Variants in SGCZ observed in about 807,000 individuals in gnomAD.
SGCZ encodes zeta-sarcoglycan.
A neutral mutation model predicts 41.3 loss-of-function variants in SGCZ; 40 were observed. The ratio of observed to expected loss-of-function variants is 0.97; its 90% confidence interval spans 0.75 to 1.26. SGCZ has a LOEUF of 1.26. Ranked by LOEUF, SGCZ falls within the 50% of genes most tolerant of loss-of-function variation. SGCZ has a pLI of 0.00. For missense variants in SGCZ, 552 were observed against 369.8 expected (o/e 1.49, Z -4.04); for synonymous variants, 206 against 137.5 (o/e 1.50, Z -3.49).
intron 5 of SGCZ, among the ~76,000 whole-genome samples, chr8:14,149,562 G>A (rs141813471): frequency 4.6e-5 from 7 of 151,484 alleles, no homozygotes; most frequent in East Asian, 3.9e-4. Context: ...TATATGGATC[G>A]GAAGAATCAA....
chr8:14,335,808 T>C (rs1276564524), intron 2 of SGCZ, among the ~76,000 whole-genome samples: 1 of 152,130 alleles, frequency 6.6e-6, no homozygotes, highest in African/African-American at 2.4e-5. Flanking sequence ...TCTCTATTTG[T>C]TTGTGTGTCA....
intron 1 of SGCZ, among the ~76,000 whole-genome samples, chr8:14,873,534 C>T (rs1478536342): frequency 2.0e-5 from 3 of 152,026 alleles, no homozygotes; most frequent in Non-Finnish European, 4.4e-5. Context: ...AGATGTCAAT[C>T]ACTTGAGATC....
chr8:15,050,771 G>A (rs189007213), intron 1 of SGCZ, among the ~76,000 whole-genome samples: 39 of 152,234 alleles, frequency 2.6e-4, no homozygotes, highest in African/African-American at 9.4e-4. Flanking sequence ...ATAATACAAA[G>A]AAGTTAGGCT....
intron 1 of SGCZ, among the ~76,000 whole-genome samples, chr8:14,781,356 G>T (rs969879505): frequency 2.0e-5 from 3 of 152,144 alleles, no homozygotes; most frequent in African/African-American, 7.2e-5. Context: ...TGCCTCCGGA[G>T]GAGCTGGAGT....
chr8:14,637,214 G>C (rs1806860205), intron 1 of SGCZ, among the ~76,000 whole-genome samples: 1 of 151,690 alleles, frequency 6.6e-6, no homozygotes, highest in Non-Finnish European at 1.5e-5. Context: ...GATTTATTCA[G>C]TCTGTTTTCT....
chr8:14,874,688 T>G (rs1804282279), intron 1 of SGCZ, among the ~76,000 whole-genome samples: 1 of 152,090 alleles, frequency 6.6e-6, no homozygotes, highest in Non-Finnish European at 1.5e-5. Context: ...TCAAGTGATG[T>G]GCTATCTTCA....
At chr8:14,135,544 G>A (rs1214744847) in intron 5 of SGCZ, among the ~76,000 whole-genome samples, 1 of 151,940 alleles carries the variant, frequency 6.6e-6, no homozygotes, top group Non-Finnish European at 1.5e-5. Flanking sequence ...AAAGACTGAA[G>A]AAAATGTAGA....
At chr8:14,242,072 A>C (rs1057320895) in intron 3 of SGCZ, among the ~76,000 whole-genome samples, 1 of 152,190 alleles carries the variant, frequency 6.6e-6, no homozygotes, top group Non-Finnish European at 1.5e-5. Flanking sequence ...TGGTAGCCAG[A>C]CAGACAATAA....
At chr8:15,051,165 C>T (rs984051007) in intron 1 of SGCZ, among the ~76,000 whole-genome samples, 1 of 152,076 alleles carries the variant, frequency 6.6e-6, no homozygotes. Context: ...TCTTCAGATG[C>T]ATCCAAATGA....
chr8:14,501,735 C>T (rs1202377863), intron 2 of SGCZ, among the ~76,000 whole-genome samples: 1 of 151,226 alleles, frequency 6.6e-6, no homozygotes, highest in Non-Finnish European at 1.5e-5. Flanking sequence ...CCTGGCTTGG[C>T]TAATTTGGTT....
At chr8:14,739,830 C>A (rs949429140) in intron 1 of SGCZ, among the ~76,000 whole-genome samples, 1 of 152,048 alleles carries the variant, frequency 6.6e-6, no homozygotes, top group African/African-American at 2.4e-5. Context: ...GCTAGGTCAA[C>A]AGGGGCTTCC....
chr8:14,925,354 T>C (rs1170304707), intron 1 of SGCZ, among the ~76,000 whole-genome samples: 2 of 152,220 alleles, frequency 1.3e-5, no homozygotes, highest in Non-Finnish European at 2.9e-5. Flanking sequence ...TAATATTTTA[T>C]TGCATTGTAC....
At chr8:14,346,875 CT>C (rs919909559) in intron 2 of SGCZ, among the ~76,000 whole-genome samples, 4 of 151,810 alleles carry the variant, frequency 2.6e-5, no homozygotes, top group Admixed American at 1.3e-4. Context: ...AGGGCGTTTC[CT>C]TTTTTTCTTT....
chr8:15,104,254 C>G (rs1279393818), intron 1 of SGCZ, among the ~76,000 whole-genome samples: 1 of 152,128 alleles, frequency 6.6e-6, no homozygotes, highest in Non-Finnish European at 1.5e-5. Context: ...AGCTACCCAG[C>G]AGCTAATCAA....
At position 14,217,247 on chromosome 8, in the gene SGCZ, G is replaced by C. The variant is rs941926582; in HGVS notation, c.424+20345C>G. Among the ~76,000 whole-genome samples, 82 of 136,778 alleles carry C rather than the reference G, an allele frequency of 6.0e-4. 1 individual carries two copies. Among genetic ancestry groups the C allele is most frequent in the Non-Finnish European group, 2.9e-4 (19 of 66,234 alleles). 89.7% of individuals were successfully genotyped at this position (136,778 alleles called of 152,430 possible). On this transcript the variant is annotated intron_variant, in intron 4 of 7. Coordinates refer to ENST00000382080, the MANE Select transcript of SGCZ (RefSeq NM_139167.4). ...GGAGGCAGAGGTTGCAGTGAGCCGA[G>C]ATTGCACCACTGCACTCCAGCCTGG... is the stretch of plus-strand genomic sequence containing the variant.
chr8:14,176,146 T>A lies in SGCZ; in HGVS notation c.425-11444A>T, dbSNP rs113967868. On this transcript the variant is annotated intron_variant, in intron 4 of 7. Transcript: ENST00000382080. ...TCAGTAGTACAAACAAAAAAGTAAA[T>A]AATGAAACAAAACATTATCATCAGT... Among the ~76,000 whole-genome samples the A allele has an allele frequency of 4.4e-3, 664 of 152,156 alleles. 2 individuals carry two copies. The highest frequency in any genetic ancestry group is 0.015 in the African/African-American group (610 of 41,544).
At chr8:14,734,304 GTAATA>G (rs1563233689) in intron 1 of SGCZ, among the ~76,000 whole-genome samples, 2 of 152,154 alleles carry the variant, frequency 1.3e-5, no homozygotes, top group East Asian at 3.9e-4. Flanking sequence ...CTACAAAATT[GTAATA>G]AAATAAGAAC....
chr8:14,360,564 G>A (rs1420115224), intron 2 of SGCZ, among the ~76,000 whole-genome samples: 1 of 152,068 alleles, frequency 6.6e-6, no homozygotes, highest in African/African-American at 2.4e-5. Flanking sequence ...GACTTCAGGT[G>A]ATCTGCCTGC....
At chr8:14,260,995 C>G (rs577532973) in intron 3 of SGCZ, among the ~76,000 whole-genome samples, 1 of 151,976 alleles carries the variant, frequency 6.6e-6, no homozygotes, top group Non-Finnish European at 1.5e-5. Context: ...ATACCTAACG[C>G]TAGATGACGA....
Sources: gnomAD v4.1 joint callset for allele counts (sites outside exome capture counted in the v4.1 genomes callset) on GRCh38, gnomAD v4.1.1 for gene constraint, MANE v1.5 for transcripts, NCBI Gene and HGNC (gene_info 2026-07-23, HGNC 2026-07-21) for gene names.